The following GPC5 variants were observed in gnomAD, a reference collection of about 807,000 sequenced individuals.
GPC5 encodes glypican 5, also known as glypican-5.
Under a neutral mutation model 53.9 loss-of-function variants are expected in GPC5, and 47 were observed. The observed-to-expected ratio is 0.87, with a 90% CI of 0.69 to 1.11. The LOEUF (loss-of-function observed/expected upper bound fraction) is 1.11, where lower values mean the gene tolerates loss of function less well. Among genes scored for constraint, GPC5 ranks in the 50% most tolerant of loss-of-function variants. The probability of loss-of-function intolerance (pLI) is 0.00; values close to 1 mark genes in which losing one functional copy is unlikely to be tolerated. For synonymous variants in GPC5, 286 were observed against 263.3 expected (o/e 1.09, Z -0.84); for missense variants, 748 against 713.1 (o/e 1.05, Z -0.56).
intron 7 of GPC5, among the ~76,000 whole-genome samples, chr13:92,622,593 T>C (rs1237301793): frequency 1.3e-5 from 2 of 152,010 alleles, no homozygotes; most frequent in Admixed American, 6.5e-5. Flanking sequence ...AGACAGGTTC[T>C]CACTCTGTCA....
At chr13:92,447,177 C>T (rs1374821639) in intron 7 of GPC5, 1 of 152,102 alleles carries the variant, frequency 6.6e-6, no homozygotes, top group African/African-American at 2.4e-5. Context: ...GTTGCCTGTG[C>T]TTATAAGGTA....
At chr13:92,761,061 C>T (rs757956306) in intron 7 of GPC5, among the ~76,000 whole-genome samples, 40 of 152,150 alleles carry the variant, frequency 2.6e-4, no homozygotes, top group Middle Eastern at 3.4e-3. Flanking sequence ...GGTTGTTTTG[C>T]GGCCTACCAA....
At chr13:92,194,387 G>A (rs73624832) in intron 7 of GPC5, among the ~76,000 whole-genome samples, 3,432 of 152,140 alleles carry the variant, frequency 0.023, 111 homozygotes, top group African/African-American at 0.077. Flanking sequence ...TCCTAATACC[G>A]TCACTGTGGA....
chr13:92,632,995 G>C (rs1486141078), intron 7 of GPC5, among the ~76,000 whole-genome samples: 1 of 152,056 alleles, frequency 6.6e-6, no homozygotes, highest in Non-Finnish European at 1.5e-5. Context: ...GGTTCAAGCG[G>C]TTCTCCTGCC....
intron 6 of GPC5, among the ~76,000 whole-genome samples, chr13:91,977,664 C>T (rs2040316241): frequency 6.6e-6 from 1 of 152,250 alleles, no homozygotes; most frequent in East Asian, 1.9e-4. Context: ...TAAAAACTCC[C>T]TTGTTAAAGA....
At chr13:91,542,420 C>T (rs1461240345) in intron 2 of GPC5, among the ~76,000 whole-genome samples, 3 of 152,208 alleles carry the variant, frequency 2.0e-5, no homozygotes, top group Non-Finnish European at 4.4e-5. Flanking sequence ...ATGAGACTCT[C>T]AAATGAGAAT....
At chr13:91,949,250 A>G (rs745536055) in intron 6 of GPC5, among the ~76,000 whole-genome samples, 6 of 152,236 alleles carry the variant, frequency 3.9e-5, no homozygotes, top group Non-Finnish European at 7.3e-5. Context: ...CAGAATTCAA[A>G]TGAAAAAATA....
At chr13:91,962,504 A>G (rs1332582871) in intron 6 of GPC5, among the ~76,000 whole-genome samples, 1 of 152,122 alleles carries the variant, frequency 6.6e-6, no homozygotes, top group Non-Finnish European at 1.5e-5. Flanking sequence ...CATTTTTGGC[A>G]TTTATCTAAT....
At chr13:92,581,319 T>C (rs1398708330) in intron 7 of GPC5, among the ~76,000 whole-genome samples, 7 of 152,184 alleles carry the variant, frequency 4.6e-5, no homozygotes, top group Admixed American at 3.9e-4. Context: ...GATCATGTGG[T>C]ATTTGTCTTT....
At chr13:92,442,681 G>A (rs1026403794) in intron 7 of GPC5, among the ~76,000 whole-genome samples, 2 of 152,098 alleles carry the variant, frequency 1.3e-5, no homozygotes, top group African/African-American at 4.8e-5. Context: ...TTCAATTGTG[G>A]TGGTTTCAGG....
chr13:92,389,774 T>C (rs1406096510), intron 7 of GPC5, among the ~76,000 whole-genome samples: 2 of 152,212 alleles, frequency 1.3e-5, no homozygotes, highest in Non-Finnish European at 2.9e-5. Context: ...CATCAATGTA[T>C]GAACACACTG....
intron 7 of GPC5, among the ~76,000 whole-genome samples, chr13:92,385,272 G>A (rs1236870181): frequency 6.7e-6 from 1 of 148,524 alleles, no homozygotes; most frequent in Non-Finnish European, 1.5e-5. Flanking sequence ...GTATCCAGTG[G>A]ACTGTTTATG....
chr13:92,003,451 ATT>A lies in GPC5; in HGVS notation c.1401+95403_1401+95404del, dbSNP rs58851620. 2.0e-3 allele frequency among the ~76,000 whole-genome samples: 299 copies of A among 151,674 alleles called. 2 individuals carry two copies. The highest frequency in any genetic ancestry group is 5.4e-3 in the Admixed American group (82 of 15,222). The stretch of plus-strand genomic sequence containing the variant: ...ATCAGAAATTTACCATCCAATCGAG[ATT>A]TTTTTTTTCAGTGAAAGGATGTTTG... On this transcript the variant is annotated intron_variant, in intron 6 of 7. Transcript: ENST00000377067.
chr13:92,228,255 C>T (rs1393525485), intron 7 of GPC5, among the ~76,000 whole-genome samples: 1 of 151,726 alleles, frequency 6.6e-6, no homozygotes, highest in African/African-American at 2.4e-5. Context: ...GCCAGCTATA[C>T]AGTTGATTTC....
chr13:92,093,605 TGTTTTC>T (rs2041398331), intron 6 of GPC5, among the ~76,000 whole-genome samples: 1 of 152,190 alleles, frequency 6.6e-6, no homozygotes, highest in Non-Finnish European at 1.5e-5. Context: ...CAAATATCAG[TGTTTTC>T]TTTTTAATAC....
intron 3 of GPC5, among the ~76,000 whole-genome samples, chr13:91,724,494 T>C (rs1046516523): frequency 3.9e-5 from 6 of 152,072 alleles, no homozygotes; most frequent in Admixed American, 6.6e-5. Flanking sequence ...ATTCTAAACA[T>C]TTTTGCTTTT....
At chr13:92,099,614 T>C (rs1354157399) in intron 6 of GPC5, among the ~76,000 whole-genome samples, 1 of 152,212 alleles carries the variant, frequency 6.6e-6, no homozygotes, top group Non-Finnish European at 1.5e-5. Flanking sequence ...GATTATCTAT[T>C]TGTAGGTTGG....
chr13:92,665,192 T>C (rs1320436492), intron 7 of GPC5, among the ~76,000 whole-genome samples: 1 of 152,124 alleles, frequency 6.6e-6, no homozygotes, highest in African/African-American at 2.4e-5. Context: ...ACAACAGTAA[T>C]TTGGCCATAA....
intron 7 of GPC5, among the ~76,000 whole-genome samples, chr13:92,345,692 C>T (rs1239663739): frequency 1.3e-5 from 2 of 152,140 alleles, no homozygotes; most frequent in African/African-American, 2.4e-5. Flanking sequence ...AGAGGATTTC[C>T]CTGGGCCCAC....
Sources: gnomAD v4.1 joint callset for allele counts (sites outside exome capture counted in the v4.1 genomes callset) on GRCh38, gnomAD v4.1.1 for gene constraint, MANE v1.5 for transcripts, NCBI Gene and HGNC (gene_info 2026-07-23, HGNC 2026-07-21) for gene names.